Variants in ITPRID1 observed in about 807,000 individuals in gnomAD.
ITPRID1 encodes the protein protein ITPRID1.
In ITPRID1, 96 loss-of-function variants were observed where a neutral mutation model predicts 95.4. That is an observed-to-expected ratio of 1.01 (90% CI 0.85 to 1.19). The LOEUF (loss-of-function observed/expected upper bound fraction) is 1.19, where lower values mean the gene tolerates loss of function less well. Among genes scored for constraint, ITPRID1 ranks in the 50% most tolerant of loss-of-function variants. The pLI is 0.00. For synonymous variants in ITPRID1, 510 were observed against 453.6 expected, an observed-to-expected ratio of 1.12 and a Z score of -1.58; for missense variants, 1,339 against 1,252.9, an observed-to-expected ratio of 1.07 and a Z score of -1.04.
At chr7:31,587,407 C>A (rs1205340724) in intron 10 of ITPRID1, among the ~76,000 whole-genome samples, 36 of 151,602 alleles carry the variant, frequency 2.4e-4, no homozygotes, top group Admixed American at 9.2e-4. Context: ...AAAGAGAATA[C>A]AATACCTAGG....
At chr7:31,647,718 A>C (rs1398870640) in intron 12 of ITPRID1, among the ~76,000 whole-genome samples, 1 of 151,022 alleles carries the variant, frequency 6.6e-6, no homozygotes, top group Non-Finnish European at 1.5e-5. Context: ...GAAGACGATG[A>C]CGACAACGAC....
chr7:31,658,669 A>G (rs1791399833), downstream of ITPRID1: 1 of 186,302 alleles, frequency 5.4e-6, no homozygotes, highest in African/African-American at 2.3e-5. Context: ...AAGCCAAAAT[A>G]TGGACGGCAC....
chr7:31,658,292 T>C, downstream of ITPRID1: 1 of 1,502,114 alleles, frequency 6.7e-7, no homozygotes, highest in Non-Finnish European at 8.8e-7. Flanking sequence ...TCTGCAGAGC[T>C]GGATCCCTTT....
At chr7:31,574,214 T>A (rs992854099) in intron 7 of ITPRID1, among the ~76,000 whole-genome samples, 24 of 151,886 alleles carry the variant, frequency 1.6e-4, no homozygotes, top group Admixed American at 1.6e-3. Flanking sequence ...TGACCACTTG[T>A]TTTTGGTTGT....
chr7:31,658,219 C>T (rs1791382654), downstream of ITPRID1: 1 of 1,441,894 alleles, frequency 6.9e-7, no homozygotes, highest in African/African-American at 1.4e-5. Flanking sequence ...AGAACACTTC[C>T]CAGAAAAATG....
chr7:31,642,413 C>T (rs1790104762), intron 11 of ITPRID1, among the ~76,000 whole-genome samples, 155 bp downstream of exon 11: 1 of 152,168 alleles, frequency 6.6e-6, no homozygotes, highest in South Asian at 2.1e-4. Context: ...AGGCACAAGC[C>T]ACCTGCACCC....
chr7:31,590,756 C>T (rs1282082240), intron 10 of ITPRID1, among the ~76,000 whole-genome samples: 1 of 152,188 alleles, frequency 6.6e-6, no homozygotes, highest in African/African-American at 2.4e-5. Flanking sequence ...GGAGATCACT[C>T]ACAGAGTAGT....
At chr7:31,574,861 C>A in intron 8 of ITPRID1, 119 bp downstream of exon 8, 1 of 841,996 alleles carries the variant, frequency 1.2e-6, no homozygotes, top group Non-Finnish European at 1.9e-6. Context: ...ACAGTGACTT[C>A]ACACACAAAA....
intron 5 of ITPRID1, among the ~76,000 whole-genome samples, chr7:31,563,242 C>A (rs1383188710): frequency 6.6e-6 from 1 of 152,066 alleles, no homozygotes; most frequent in Non-Finnish European, 1.5e-5. Flanking sequence ...TGAACAAAGG[C>A]ACAGAAATGA....
intron 10 of ITPRID1, among the ~76,000 whole-genome samples, chr7:31,632,249 C>T (rs996031918): frequency 6.6e-6 from 1 of 152,052 alleles, no homozygotes; most frequent in Admixed American, 6.5e-5. Flanking sequence ...GCGATCAAGA[C>T]CATCCTGGCT....
intron 1 of ITPRID1, among the ~76,000 whole-genome samples, chr7:31,523,957 T>C (rs765550021): frequency 6.6e-6 from 1 of 152,220 alleles, no homozygotes; most frequent in Non-Finnish European, 1.5e-5. Context: ...TGTTGGTTCT[T>C]CTTGAACCAT....
At chr7:31,559,871 T>C (rs910287153) in intron 5 of ITPRID1, among the ~76,000 whole-genome samples, 1 of 152,174 alleles carries the variant, frequency 6.6e-6, no homozygotes, top group African/African-American at 2.4e-5. Context: ...TCTATTTCCT[T>C]GCCCACAGGA....
At position 31,578,052 on chromosome 7, in the gene ITPRID1, A is replaced by T; in HGVS notation, c.788A>T (p.Gln263Leu). 1 of 1,613,920 alleles carries T rather than the reference A, an allele frequency of 6.2e-7. No homozygotes were observed. The highest frequency in any genetic ancestry group is 8.5e-7 in the Non-Finnish European group (1 of 1,179,870). ...MGKLLRRASK[Q>L]NIRRDCNPEV... ...AAACTCTTAAGGAGAGCTTCCAAAC[A>T]GAACATCAGGCGGGATTGTAACCCA... Residue 263 changes from glutamine to leucine, a missense_variant, in exon 9 of 15, where the codon CAG (glutamine) becomes CTG (leucine). Transcript: ENST00000615280.
intron 8 of ITPRID1, 111 bp downstream of exon 8, chr7:31,574,853 A>G (rs1368234385): frequency 1.1e-6 from 1 of 890,582 alleles, no homozygotes; most frequent in Admixed American, 2.2e-5. Context: ...CCTCTATTAC[A>G]GTGACTTCAC....
chr7:31,554,662 A>C, intron 4 of ITPRID1, 139 bp downstream of exon 4: 5 of 1,150,738 alleles, frequency 4.3e-6, no homozygotes, highest in Non-Finnish European at 4.9e-6. Flanking sequence ...TTATTCTATT[A>C]TTGTAAAAAC....
Position 31,583,145 on chromosome 7 carries a change from T to C in ITPRID1, c.1182T>C (p.Phe394=), listed in dbSNP as rs1246499949. The change falls in exon 10 of 15, where the codon TTT becomes TTC. Residue 394 remains phenylalanine, a synonymous_variant. Transcript: ENST00000615280. ...TTTTGATATCTTAGGTCCAAAGCTT[T>C]GAAGAAGAGACTGGTAATCCTCTTG... is the stretch of plus-strand genomic sequence containing the variant. ...DSFEMEEVQS[F]EEETGNPLDM... 6.2e-7 allele frequency: 1 copy of C among 1,611,338 alleles called. No individual in the cohort carries two copies. Among genetic ancestry groups the C allele is most frequent in the Admixed American group, 1.7e-5 (1 of 59,964 alleles).
At chr7:31,571,390 T>C (rs1346263026) in intron 6 of ITPRID1, among the ~76,000 whole-genome samples, 1 of 152,212 alleles carries the variant, frequency 6.6e-6, no homozygotes, top group Non-Finnish European at 1.5e-5. Context: ...TTGTTCTCCT[T>C]GGGAACATTG....
intron 2 of ITPRID1, among the ~76,000 whole-genome samples, chr7:31,550,431 C>A (rs181909254): frequency 6.6e-6 from 1 of 152,072 alleles, no homozygotes. Flanking sequence ...GTCCTTGGGG[C>A]GGACAGACTA....
intron 2 of ITPRID1, 31 bp downstream of exon 2, chr7:31,549,530 T>A (rs1345504032): frequency 6.7e-7 from 1 of 1,481,760 alleles, no homozygotes. Context: ...TTTCATTAAA[T>A]TTTCCCAAAA....
Sources: gnomAD v4.1 joint callset for allele counts (sites outside exome capture counted in the v4.1 genomes callset) on GRCh38, gnomAD v4.1.1 for gene constraint, MANE v1.5 for transcripts, NCBI Gene and HGNC (gene_info 2026-07-23, HGNC 2026-07-21) for gene names.